Variants in NXN observed in about 807,000 individuals in gnomAD.
NXN encodes nucleoredoxin 1.
Under a neutral mutation model 48.6 loss-of-function variants are expected in NXN, and 16 were observed. The observed-to-expected ratio is 0.33, with a 90% CI of 0.22 to 0.50. NXN has a LOEUF of 0.50. NXN is among the 20% of genes least tolerant of loss of function. NXN has a pLI of 0.98. For synonymous variants in NXN, 281 were observed against 269.6 expected (o/e 1.04, Z -0.41); for missense variants, 492 against 605.5 (o/e 0.81, Z 1.97).
intron 1 of NXN, among the ~76,000 whole-genome samples, chr17:948,845 T>TCCTCCTCTCCCCCCG: frequency 3.3e-5 from 1 of 30,344 alleles, no homozygotes; most frequent in South Asian, 1.9e-3. Flanking sequence ...CTCTCCCCCC[T>TCCTCCTCTCCCCCCG]GCCTCCTCCT....
intron 1 of NXN, among the ~76,000 whole-genome samples, chr17:934,442 T>C (rs2068886413): frequency 7.5e-6 from 1 of 132,744 alleles, no homozygotes; most frequent in Admixed American, 7.6e-5. Flanking sequence ...CGAGACTCTG[T>C]CTCAAAGAAA....
chr17:865,461 C>A (rs1014680141), intron 1 of NXN, among the ~76,000 whole-genome samples: 3 of 150,666 alleles, frequency 2.0e-5, no homozygotes, highest in African/African-American at 7.3e-5. Flanking sequence ...AGGCTGGTCT[C>A]GAACTCATGA....
At chr17:839,735 C>T (rs1914030341) in intron 1 of NXN, among the ~76,000 whole-genome samples, 1 of 144,074 alleles carries the variant, frequency 6.9e-6, no homozygotes, top group African/African-American at 2.6e-5. Flanking sequence ...CTGGTGTGGT[C>T]AAGGCTGCAG....
Position 979,509 on chromosome 17 carries a change from T to G in NXN, c.170A>C (p.Tyr57Ser). The G allele has an allele frequency of 8.0e-7, 1 of 1,243,110 alleles. No individual in the cohort carries two copies. 77.0% of individuals were successfully genotyped at this position (1,243,110 alleles called of 1,614,324 possible). Residue 57 changes from tyrosine to serine, a missense_variant, in exon 1 of 8, where the codon TAC (tyrosine) becomes TCC (serine). Tyr to Ser is a moderately radical substitution (Grantham distance 144). Coordinates refer to ENST00000336868, the MANE Select transcript of NXN (RefSeq NM_022463.5). ...CGCCGCGTCCCCCCGCAGGCGCCCG[T>G]AGAAGGCGGCCAGGCTGGCGCTGAG... The part of the protein sequence containing the change: ...AQLSASLAAF[Y>S]GRLRGDAAAG...
intron 1 of NXN, among the ~76,000 whole-genome samples, chr17:953,948 G>A (rs746793532): frequency 1.3e-5 from 2 of 152,178 alleles, no homozygotes; most frequent in African/African-American, 4.8e-5. Flanking sequence ...GCATGCACGT[G>A]GTCGTGTGGC....
intron 1 of NXN, among the ~76,000 whole-genome samples, chr17:967,049 G>A (rs1328379121): frequency 6.6e-6 from 1 of 152,030 alleles, no homozygotes; most frequent in Admixed American, 6.6e-5. Flanking sequence ...ACACAGAGAC[G>A]GTGACCGTAG....
chr17:956,525 T>G lies in NXN; in HGVS notation c.360+22794A>C, dbSNP rs2069170428. On this transcript the variant is annotated intron_variant, in intron 1 of 7. Transcript: ENST00000336868. The surrounding 1 kb of genome is among the most constrained non-coding windows in gnomAD (Gnocchi z 4.1). ...ACCTCCCGGGTTCCCGCCATTCTCC[T>G]GCCTCAGCCTCCCAAGTAGCTGGGA... 6.6e-6 allele frequency among the ~76,000 whole-genome samples: 1 copy of G among 152,190 alleles called. No individual in the cohort carries two copies. Among genetic ancestry groups the G allele is most frequent in the Non-Finnish European group, 1.5e-5 (1 of 68,030 alleles).
At position 979,107 on chromosome 17, in the gene NXN, AAG is replaced by A. The variant is rs1491313121; in HGVS notation, c.360+210_360+211del. Among the ~76,000 whole-genome samples, 42 of 17,422 alleles carry A rather than the reference AAG, an allele frequency of 2.4e-3. 1 individual carries two copies. The highest frequency in any genetic ancestry group is 0.021 in the African/African-American group (40 of 1,912). The allele number at this position is 17,422 out of a possible 152,430, so 11.4% of individuals were successfully genotyped here. On this transcript the variant is annotated intron_variant, in intron 1 of 7. Transcript: ENST00000336868. ...GGATGAGGGTGCGGGCACAGCGCGG[AAG>A]GGGGGGGGGCAGAGGCGGGGACGGC... is the stretch of plus-strand genomic sequence containing the variant.
intron 1 of NXN, among the ~76,000 whole-genome samples, chr17:885,350 G>A (rs1597693763): frequency 6.6e-6 from 1 of 151,904 alleles, no homozygotes; most frequent in South Asian, 2.1e-4. Context: ...TGGTGCAGGC[G>A]CCCGTCATCC....
chr17:875,463 A>G (rs543012050), intron 1 of NXN, among the ~76,000 whole-genome samples: 8 of 152,238 alleles, frequency 5.3e-5, no homozygotes, highest in Non-Finnish European at 7.3e-5. Context: ...TCACTGAATC[A>G]TAAATCAGAG....
At chr17:857,712 C>G (rs1366129389) in intron 1 of NXN, among the ~76,000 whole-genome samples, 3 of 152,188 alleles carry the variant, frequency 2.0e-5, no homozygotes, top group Non-Finnish European at 4.4e-5. Context: ...CCAGATATCA[C>G]CAGGGCCATC....
intron 1 of NXN, among the ~76,000 whole-genome samples, chr17:903,782 G>GA (rs1184633602): frequency 9.2e-5 from 14 of 152,328 alleles, no homozygotes; most frequent in African/African-American, 3.4e-4. Context: ...GAGGTTCAGA[G>GA]AGGCTAAGGA....
intron 5 of NXN, among the ~76,000 whole-genome samples, chr17:810,145 C>CAG (rs776381022): frequency 1.5e-5 from 1 of 67,466 alleles, no homozygotes; most frequent in Non-Finnish European, 2.6e-5. Flanking sequence ...CGTTACGAGT[C>CAG]TGTGACTGGC....
chr17:812,888 G>C (rs58550413), intron 5 of NXN, among the ~76,000 whole-genome samples: 1 of 148,562 alleles, frequency 6.7e-6, no homozygotes, highest in Non-Finnish European at 1.5e-5. Context: ...GCGCACATGT[G>C]AATGTAGGTG....
At chr17:812,179 G>T (rs577567095) in intron 5 of NXN, among the ~76,000 whole-genome samples, 1 of 151,710 alleles carries the variant, frequency 6.6e-6, no homozygotes, top group Non-Finnish European at 1.5e-5. Flanking sequence ...CGCCCGCCTC[G>T]GCCTCCCAAA....
At chr17:855,987 G>A (rs1277021317) in intron 1 of NXN, among the ~76,000 whole-genome samples, 1 of 152,158 alleles carries the variant, frequency 6.6e-6, no homozygotes, top group African/African-American at 2.4e-5. Flanking sequence ...GAGGTCAGGA[G>A]ATCAAGACCA....
chr17:813,161 C>CA (rs1251131473), intron 5 of NXN, among the ~76,000 whole-genome samples: 2 of 152,246 alleles, frequency 1.3e-5, no homozygotes, highest in Non-Finnish European at 2.9e-5. Flanking sequence ...AAATACTGGT[C>CA]AGAGTTTTGT....
At chr17:842,903 C>T (rs1914413205) in intron 1 of NXN, among the ~76,000 whole-genome samples, 1 of 151,600 alleles carries the variant, frequency 6.6e-6, no homozygotes, top group Admixed American at 6.6e-5. Flanking sequence ...CGCGCCATTG[C>T]ACTCCAGCCT....
chr17:841,508 C>T (rs371717707), intron 1 of NXN, among the ~76,000 whole-genome samples: 4 of 134,104 alleles, frequency 3.0e-5, no homozygotes, highest in African/African-American at 2.9e-5. Context: ...GCATCTCACA[C>T]GGGCGAGCAG....
Sources: allele counts gnomAD v4.1 joint callset (sites outside exome capture counted in the v4.1 genomes callset), GRCh38; gene constraint gnomAD v4.1.1; non-coding constraint Gnocchi (gnomAD v3.1); transcripts MANE v1.5; gene names NCBI Gene and HGNC (gene_info 2026-07-23, HGNC 2026-07-21).